The following UBR4 variants were observed in gnomAD, a reference collection of about 807,000 sequenced individuals.
The protein encoded by UBR4 is E3 ubiquitin-protein ligase UBR4.
Under a neutral mutation model 575.6 loss-of-function variants are expected in UBR4, and 124 were observed. The ratio of observed to expected loss-of-function variants is 0.22; its 90% CI spans 0.19 to 0.25. The LOEUF (loss-of-function observed/expected upper bound fraction) is 0.25, where lower values mean the gene tolerates loss of function less well. Ranked by LOEUF, UBR4 falls within the 10% of genes least tolerant of loss-of-function variation. The pLI, the probability that UBR4 is intolerant of heterozygous loss-of-function variation, is 1.00. For missense variants in UBR4, 4,818 were observed against 6,478.8 expected, an observed-to-expected ratio of 0.74 and a Z score of 8.80; for synonymous variants, 2,455 against 2,473.7, an observed-to-expected ratio of 0.99 and a Z score of 0.22.
chr1:19,088,714 C>T lies in UBR4; in HGVS notation c.14430+45G>A, dbSNP rs373341900. 27 of 1,603,020 alleles carry T rather than the reference C, an allele frequency of 1.7e-5. 1 individual carries two copies. The highest frequency in any genetic ancestry group is 2.1e-5 in the Non-Finnish European group (25 of 1,172,270). ...GGCTGTCCCATGGCCACCTCCTCATCAACAGTGTGGGCAGAAATATGGGGA... is the reference window on the plus strand; with the variant it reads ...GGCTGTCCCATGGCCACCTCCTCATTAACAGTGTGGGCAGAAATATGGGGA... On this transcript the variant is annotated intron_variant, in intron 98 of 105. Transcript: ENST00000375254. This position sits in a 1 kb window ranked among gnomAD's most constrained non-coding sequence, Gnocchi z 4.0.
chr1:19,186,161 G>A (rs1236743648), intron 14 of UBR4, among the ~76,000 whole-genome samples: 1 of 152,212 alleles, frequency 6.6e-6, no homozygotes, highest in Non-Finnish European at 1.5e-5. Context: ...CCTAAACTAT[G>A]ACTATGATAA....
chr1:19,190,774 C>T (rs2092010290), intron 11 of UBR4, among the ~76,000 whole-genome samples: 1 of 152,178 alleles, frequency 6.6e-6, no homozygotes, highest in Admixed American at 6.5e-5. Flanking sequence ...CCGCACCACC[C>T]TATCCAAGTC....
At chr1:19,134,355 C>T (rs1304021090) in intron 60 of UBR4, among the ~76,000 whole-genome samples, 2 of 152,068 alleles carry the variant, frequency 1.3e-5, no homozygotes, top group Non-Finnish European at 2.9e-5. Flanking sequence ...TGAGCCTAGG[C>T]ATTCAAGGTT....
chr1:19,081,596 A>C (rs1242824418), intron 102 of UBR4, 23 bp from the exon 103 acceptor site: 2 of 1,613,694 alleles, frequency 1.2e-6, no homozygotes, highest in Admixed American at 1.7e-5. Flanking sequence ...CGGCATGATA[A>C]AATAAAAGCA....
intron 105 of UBR4, 137 bp downstream of exon 105, chr1:19,076,603 G>A (rs1472212473): frequency 2.1e-5 from 25 of 1,170,232 alleles, no homozygotes; most frequent in Admixed American, 5.8e-5. Flanking sequence ...TCTTTCCCAG[G>A]GCTTTCAGTG....
chr1:19,097,324 G>C (rs1440096769), intron 90 of UBR4, 44 bp from the exon 91 acceptor site: 2 of 1,577,290 alleles, frequency 1.3e-6, no homozygotes, highest in East Asian at 4.5e-5. Context: ...AACAGGCCCA[G>C]ACAAATGCAA....
At position 19,141,468 on chromosome 1, in the gene UBR4, G is replaced by A. The variant is rs371372796; in HGVS notation, c.8367C>T (p.Pro2789=). The change falls in exon 57 of 106, where the codon CCC becomes CCT. Residue 2789 remains proline (P), a synonymous_variant. Transcript: ENST00000375254. ...CTGCGCCTGCCAGCAGGGCCTCCAG[G>A]GGAGAGGGGTTGCCATTGTTGACAT... ...AENVNNGNPS[P]LEALLAGAEG... is the part of the protein sequence containing the mutation. 6 of 1,613,854 alleles carry A rather than the reference G, an allele frequency of 3.7e-6. No homozygotes were observed. Among genetic ancestry groups the A allele is most frequent in the Non-Finnish European group, 5.1e-6 (6 of 1,179,916 alleles).
In UBR4 at chr1:19,120,203, G is replaced by C; in HGVS notation, c.10287C>G (p.His3429Gln). 1.2e-6 allele frequency: 2 copies of C among 1,614,192 alleles called. No homozygotes were observed. The highest frequency in any genetic ancestry group is 1.7e-6 in the Non-Finnish European group (2 of 1,180,024). ...ACCTGTAGATGTGCAGTGTCAGACAGTGGGCCTGCCAGCGCACCGAGGAAG... is the reference window on the plus strand; with the variant it reads ...ACCTGTAGATGTGCAGTGTCAGACACTGGGCCTGCCAGCGCACCGAGGAAG... ...SNSSSVRWQA[H>Q]CLTLHIYRNS... The change falls in exon 69 of 106, where the codon CAC becomes CAG. Residue 3429 changes from histidine to glutamine, a missense_variant. Around this residue, in one of 29 missense-constraint regions of UBR4, gnomAD observed 550 missense variants for 791.5 expected, o/e 0.69. Transcript: ENST00000375254.
At position 19,088,293 on chromosome 1, in the gene UBR4, T is replaced by C. The variant is rs796746419; in HGVS notation, c.14431-364A>G. Among the ~76,000 whole-genome samples, 32 of 152,366 alleles carry C rather than the reference T, an allele frequency of 2.1e-4. No individual in the cohort carries two copies. The highest frequency in any genetic ancestry group is 7.7e-4 in the African/African-American group (32 of 41,596). ...ACTGTTCCCAGGTGAGCTTTTCAACTGCTGACACTCAAGTCTGTGCTTTGG... is the reference window on the plus strand; with the variant it reads ...ACTGTTCCCAGGTGAGCTTTTCAACCGCTGACACTCAAGTCTGTGCTTTGG... On this transcript the variant is annotated intron_variant, in intron 98 of 105. Transcript: ENST00000375254. This position sits in a 1 kb window ranked among gnomAD's most constrained non-coding sequence, Gnocchi z 4.0.
At chr1:19,204,217 T>C (rs2092892242) in intron 1 of UBR4, among the ~76,000 whole-genome samples, 1 of 152,158 alleles carries the variant, frequency 6.6e-6, no homozygotes, top group Non-Finnish European at 1.5e-5. Context: ...TTGGTCAGGC[T>C]GGTCTCAAAC....
chr1:19,121,161 G>A, intron 68 of UBR4, 28 bp downstream of exon 68: 1 of 1,608,168 alleles, frequency 6.2e-7, no homozygotes, highest in South Asian at 1.1e-5. Context: ...CATCATTGTA[G>A]TCACAATGAC....
In UBR4 at chr1:19,197,730, A is replaced by G. The variant is rs61759878; in HGVS notation, c.833T>C (p.Leu278Ser). The G allele has an allele frequency of 1.6e-4, 260 of 1,614,124 alleles. No homozygotes were observed. The highest frequency in any genetic ancestry group is 9.9e-4 in the Middle Eastern group (6 of 6,084). Residue 278 changes from leucine to serine, a missense_variant, in exon 7 of 106, where the codon TTA becomes TCA. By Grantham distance (145) the Leu-to-Ser change is moderately radical. Coordinates refer to ENST00000375254, the MANE Select transcript of UBR4 (RefSeq NM_020765.3). ...RYINRFQDAVLANSFFIMPAT... is the reference protein window; with the variant it reads ...RYINRFQDAVSANSFFIMPAT... ...AGGCATTATGAAGAAGGAATTAGCT[A>G]AAACTGCATCTTGGAACCGATTGAT...
chr1:19,205,666 A>G (rs2092972110), intron 1 of UBR4, among the ~76,000 whole-genome samples: 1 of 149,744 alleles, frequency 6.7e-6, no homozygotes, highest in Non-Finnish European at 1.5e-5. Flanking sequence ...CTGTAGGTCA[A>G]TTATCAATTT....
rs1444024831 is a variant in UBR4, at chr1:19,114,003, C to T, written c.11270G>A (p.Arg3757Gln). Residue 3757 changes from arginine to glutamine, a missense_variant, in exon 76 of 106, where the codon CGG becomes CAG. By Grantham distance (43) the Arg-to-Gln change is conservative. Around this residue, in one of 29 missense-constraint regions of UBR4, gnomAD observed 333 missense variants for 459.2 expected, o/e 0.73. Transcript: ENST00000375254. ...GCAGAGCAGGTTCTCCAGCTGTGGC[C>T]GGTGTCCCATCAGCTGATGATACAC... Reference protein sequence around the residue: ...DRVYHQLMGHRPQLENLLCKV... With the variant: ...DRVYHQLMGHQPQLENLLCKV... The T allele has an allele frequency of 1.4e-5, 23 of 1,614,184 alleles. No homozygotes were observed. In the South Asian group the frequency reaches 1.4e-4, roughly 10 times the overall value.
chr1:19,197,931 C>G lies in UBR4; in HGVS notation c.751+16G>C. On this transcript the variant is annotated intron_variant, in intron 6 of 105. Coordinates refer to ENST00000375254, the MANE Select transcript of UBR4 (RefSeq NM_020765.3). ...AGCCCAGAAATCAGCTTTCTGATAA[C>G]AGTTGGGAGTCTTACCAAGCTCTTG... The G allele has an allele frequency of 1.9e-6, 3 of 1,613,984 alleles. No homozygotes were observed. The highest frequency in any genetic ancestry group is 1.1e-5 in the South Asian group (1 of 91,056).
chr1:19,145,010 A>C, intron 53 of UBR4, 103 bp from the exon 54 acceptor site: 1 of 1,381,454 alleles, frequency 7.2e-7, no homozygotes, highest in Non-Finnish European at 1.0e-6. Context: ...GTAAAAGGTC[A>C]TGCAAACAAA....
At position 19,081,437 on chromosome 1, in the gene UBR4, CA is replaced by C; in HGVS notation, c.15144del (p.Glu5049SerfsTer16). On this transcript the variant is annotated frameshift_variant, in exon 103 of 106. Transcript: ENST00000375254. LOFTEE classifies it high-confidence loss of function. The part of the protein sequence containing the change: ...FTVLALHILP[P>X]EQWRATRVEI... ...TCCACACGTGTGGCTCTCCACTGCT[CA>C]GGGGGCAGGATGTGAAGGGCCAAGA... is the stretch of plus-strand genomic sequence containing the variant. 1 of 1,614,082 alleles carries C rather than the reference CA, an allele frequency of 6.2e-7. No individual in the cohort carries two copies.
rs367748260 is a variant in UBR4, at chr1:19,081,346, G to A, written c.15233+3C>T. The A allele has an allele frequency of 9.4e-6, 15 of 1,591,152 alleles. No individual in the cohort carries two copies. The African/African-American group carries it at 1.2e-4, about 13-fold the overall frequency. ...GCAGCAGCTTCCGGAAGCAGGTACT[G>A]ACCTGGTGGCTCCACCTGGAGCCAC... On this transcript the variant is annotated splice_donor_region_variant and intron_variant, in intron 103 of 105. Coordinates refer to ENST00000375254, the MANE Select transcript of UBR4 (RefSeq NM_020765.3).
intron 54 of UBR4, 92 bp from the exon 55 acceptor site, chr1:19,144,183 A>C: frequency 8.6e-7 from 1 of 1,157,664 alleles, no homozygotes; most frequent in Non-Finnish European, 1.3e-6. Flanking sequence ...ACTCACTCAC[A>C]TGCAAGTGGA....
Sources: allele counts gnomAD v4.1 joint callset (sites outside exome capture counted in the v4.1 genomes callset), GRCh38; gene constraint gnomAD v4.1.1; regional missense constraint gnomAD v4.1.1; non-coding constraint Gnocchi (gnomAD v3.1); transcripts MANE v1.5; gene names NCBI Gene and HGNC (gene_info 2026-07-23, HGNC 2026-07-21).